The following MTHFD2L variants were observed in gnomAD, a reference collection of about 807,000 sequenced individuals.
The protein encoded by MTHFD2L is bifunctional methylenetetrahydrofolate dehydrogenase/cyclohydrolase 2, mitochondrial.
MTHFD2L carries 29 observed loss-of-function variants against 34.9 expected under a neutral mutation model. The ratio of observed to expected loss-of-function variants is 0.83; its 90% CI spans 0.62 to 1.13. MTHFD2L has a LOEUF of 1.13. Among genes scored for constraint, MTHFD2L ranks in the 50% most tolerant of loss-of-function variants. MTHFD2L has a pLI of 0.00. For synonymous variants in MTHFD2L, 167 were observed against 155.7 expected, an observed-to-expected ratio of 1.07 and a Z score of -0.54; for missense variants, 481 against 446.5, an observed-to-expected ratio of 1.08 and a Z score of -0.70.
chr4:74,165,032 A>G (rs1255918454), intron 1 of MTHFD2L: 51 of 983,670 alleles, frequency 5.2e-5, no homozygotes, highest in Admixed American at 6.1e-5. Flanking sequence ...ATTAATGGCA[A>G]GGTCACTATG....
rs111829828 is a variant in MTHFD2L at position 74,296,241 on chromosome 4, A to G, written c.932-5456A>G. Among the ~76,000 whole-genome samples the G allele has an allele frequency of 5.5e-3, 840 of 152,280 alleles. 5 individuals carry two copies. The highest frequency in any genetic ancestry group is 0.019 in the African/African-American group (804 of 41,558). On this transcript the variant is annotated intron_variant, in intron 7 of 7. Transcript: ENST00000325278. ...TAACAAAGAATTTATATTTTATCCT[A>G]GAGACAATGAAGATCCATCAAATGT... is the stretch of plus-strand genomic sequence containing the variant.
intron 5 of MTHFD2L, among the ~76,000 whole-genome samples, chr4:74,206,195 C>T (rs958328920): frequency 2.0e-5 from 3 of 150,476 alleles, no homozygotes; most frequent in Non-Finnish European, 2.9e-5. Flanking sequence ...TGATTTGGGG[C>T]AGGGTGGTGG....
intron 5 of MTHFD2L, among the ~76,000 whole-genome samples, chr4:74,222,144 C>T (rs537210513): frequency 6.6e-6 from 1 of 152,170 alleles, no homozygotes; most frequent in South Asian, 2.1e-4. Flanking sequence ...CAAACTTTCT[C>T]ATCTTTGCCC....
intron 7 of MTHFD2L, among the ~76,000 whole-genome samples, chr4:74,289,103 A>AGT (rs1748558828): frequency 6.6e-6 from 1 of 152,224 alleles, no homozygotes; most frequent in Non-Finnish European, 1.5e-5. Context: ...AAAAAGACAA[A>AGT]GTACTTACTC....
rs530208486 is a variant in MTHFD2L, at chr4:74,243,043, T to G, written c.805+17649T>G. ...AAATGTAACAGCAAAATTTGAAAATTGATGAGAGAGAGAGGTGCAGGATGC... is the reference window on the plus strand; with the variant it reads ...AAATGTAACAGCAAAATTTGAAAATGGATGAGAGAGAGAGGTGCAGGATGC... On this transcript the variant is annotated intron_variant, in intron 6 of 7. Transcript: ENST00000325278. Among the ~76,000 whole-genome samples the G allele has an allele frequency of 4.6e-5, 7 of 152,158 alleles. No individual in the cohort carries two copies. In the East Asian group the frequency reaches 1.4e-3, roughly 29 times the overall value.
At chr4:74,281,040 G>A (rs972825275) in intron 6 of MTHFD2L, among the ~76,000 whole-genome samples, 2 of 146,548 alleles carry the variant, frequency 1.4e-5, no homozygotes, top group Non-Finnish European at 3.0e-5. Flanking sequence ...CCCTCCTTCC[G>A]ATTTCCAAGT....
At chr4:74,264,556 A>G (rs1745062855) in intron 6 of MTHFD2L, among the ~76,000 whole-genome samples, 1 of 151,974 alleles carries the variant, frequency 6.6e-6, no homozygotes, top group Non-Finnish European at 1.5e-5. Flanking sequence ...AGAAAAAATT[A>G]GAGTGTTAGA....
At chr4:74,271,646 A>C (rs1279149575) in intron 6 of MTHFD2L, among the ~76,000 whole-genome samples, 3 of 152,138 alleles carry the variant, frequency 2.0e-5, no homozygotes, top group Admixed American at 6.6e-5. Flanking sequence ...TTGTCTTGGC[A>C]GTGCGGGCTC....
intron 7 of MTHFD2L, among the ~76,000 whole-genome samples, chr4:74,286,087 T>G (rs1288716911): frequency 6.6e-6 from 1 of 152,132 alleles, no homozygotes; most frequent in Non-Finnish European, 1.5e-5. Context: ...TAAATTGAAG[T>G]GCTATTTTGT....
chr4:74,228,737 G>T (rs9683490), intron 6 of MTHFD2L, among the ~76,000 whole-genome samples: 1,913 of 152,174 alleles, frequency 0.013, 45 homozygotes, highest in African/African-American at 0.045. Context: ...GACAGGAAAA[G>T]AAAAAGAAAA....
chr4:74,153,518 C>T (rs77852172), upstream of MTHFD2L, among the ~76,000 whole-genome samples: 7,743 of 152,186 alleles, frequency 0.051, 258 homozygotes, highest in Non-Finnish European at 0.078. Context: ...TTTTAATCAT[C>T]CCTGATTTAA....
At chr4:74,191,637 G>A (rs988168230) in intron 3 of MTHFD2L, among the ~76,000 whole-genome samples, 5 of 151,920 alleles carry the variant, frequency 3.3e-5, no homozygotes, top group Non-Finnish European at 4.4e-5. Context: ...TGCAACCTTC[G>A]CTTCCCGGGT....
intron 6 of MTHFD2L, among the ~76,000 whole-genome samples, chr4:74,229,157 A>G (rs1739634849): frequency 6.6e-6 from 1 of 152,254 alleles, no homozygotes; most frequent in Non-Finnish European, 1.5e-5. Flanking sequence ...AGAATTTATA[A>G]GAAACAACTA....
At position 74,301,905 on chromosome 4, in the gene MTHFD2L, A is replaced by G; in HGVS notation, c.*96A>G. On this transcript the variant is annotated 3_prime_UTR_variant, in exon 8 of 8. Transcript: ENST00000325278. ...TTTTACTACAAAGCTATTTATTTCT[A>G]CATGGTATTTATTTTTTCATGGGTG... 1.7e-6 allele frequency: 1 copy of G among 578,710 alleles called. No individual in the cohort carries two copies. The highest frequency in any genetic ancestry group is 3.3e-5 in the East Asian group (1 of 30,424). 35.8% of individuals were successfully genotyped at this position (578,710 alleles called of 1,614,324 possible).
At chr4:74,141,696 T>A (rs1018410652) in intron 1 of MTHFD2L, among the ~76,000 whole-genome samples, 3 of 152,174 alleles carry the variant, frequency 2.0e-5, no homozygotes, top group African/African-American at 7.2e-5. Flanking sequence ...TCCTCATCCA[T>A]AAAATAGGAT....
Position 74,281,537 on chromosome 4 carries a change from T to C in MTHFD2L, c.918T>C (p.Asp306=), listed in dbSNP as rs202127836. 2 of 1,612,150 alleles carry C rather than the reference T, an allele frequency of 1.2e-6. No individual in the cohort carries two copies. Among genetic ancestry groups the C allele is most frequent in the East Asian group, 2.2e-5 (1 of 44,768 alleles). The change falls in exon 7 of 8, where the codon GAT becomes GAC. Residue 306 remains aspartate, a synonymous_variant. Coordinates refer to ENST00000325278, the MANE Select transcript of MTHFD2L (RefSeq NM_001144978.3). The part of the protein sequence containing the change: ...PVTGKTKLVG[D]VDFEAVKKKA... ...CAGGAAAGACAAAATTAGTTGGAGATGTGGACTTCGAAGGTAATAAACCAA... is the reference window on the plus strand; with the variant it reads ...CAGGAAAGACAAAATTAGTTGGAGACGTGGACTTCGAAGGTAATAAACCAA...
Position 74,281,430 on chromosome 4 carries a change from C to G in MTHFD2L, c.811C>G (p.Pro271Ala), listed in dbSNP as rs146101740. 20 of 1,609,652 alleles carry G rather than the reference C, an allele frequency of 1.2e-5. No individual in the cohort carries two copies. The highest frequency in any genetic ancestry group is 2.7e-5 in the African/African-American group (2 of 74,316). The change falls in exon 7 of 8, where the codon CCA (proline) becomes GCA (alanine). Residue 271 changes from proline (P) to alanine (A), a missense_variant. Coordinates refer to ENST00000325278, the MANE Select transcript of MTHFD2L (RefSeq NM_001144978.3). Reference sequence around the variant, plus strand: ...ACAACTCTTTTTGTTTTCAGGTATTCCAAAGTTGATTACGTCTGATATGGT... The same window carrying G: ...ACAACTCTTTTTGTTTTCAGGTATTGCAAAGTTGATTACGTCTGATATGGT... ...ADIIIVAAGIPKLITSDMVKE... is the reference protein window; with the variant it reads ...ADIIIVAAGIAKLITSDMVKE...
chr4:74,153,350 G>A (rs1369551653), upstream of MTHFD2L, among the ~76,000 whole-genome samples: 2 of 152,020 alleles, frequency 1.3e-5, no homozygotes, highest in Non-Finnish European at 2.9e-5. Context: ...GCAATGTCAT[G>A]GACACTACAA....
intron 5 of MTHFD2L, 67 bp downstream of exon 5, chr4:74,201,437 C>A (rs2110057411): frequency 8.6e-7 from 1 of 1,168,412 alleles, no homozygotes; most frequent in Non-Finnish European, 1.2e-6. Context: ...ATCAAGTAAA[C>A]ACTTTTGATA....
Sources: allele counts gnomAD v4.1 joint callset (sites outside exome capture counted in the v4.1 genomes callset), GRCh38; gene constraint gnomAD v4.1.1; transcripts MANE v1.5; gene names NCBI Gene and HGNC (gene_info 2026-07-23, HGNC 2026-07-21).